Variants in GSTCD observed in about 807,000 individuals in gnomAD.
GSTCD encodes the protein glutathione S-transferase C-terminal domain-containing protein.
GSTCD carries 44 observed loss-of-function variants against 68.3 expected under a neutral mutation model. The ratio of observed to expected loss-of-function variants is 0.64; its 90% CI spans 0.51 to 0.83. The LOEUF (loss-of-function observed/expected upper bound fraction) is 0.83. GSTCD is among the 40% of genes least tolerant of loss of function. The pLI is 0.00. For missense variants in GSTCD, 739 were observed against 735.9 expected, an observed-to-expected ratio of 1.00 and a Z score of -0.05; for synonymous variants, 273 against 255.2, an observed-to-expected ratio of 1.07 and a Z score of -0.67.
At chr4:105,724,395 G>A (rs1449638195) in intron 3 of GSTCD, among the ~76,000 whole-genome samples, 2 of 151,508 alleles carry the variant, frequency 1.3e-5, no homozygotes, top group South Asian at 4.2e-4. Flanking sequence ...CTTACTTTAA[G>A]TGCTGCTTTA....
At chr4:105,788,714 G>A (rs1339029789) in intron 5 of GSTCD, among the ~76,000 whole-genome samples, 1 of 151,986 alleles carries the variant, frequency 6.6e-6, no homozygotes, top group Admixed American at 6.6e-5. Flanking sequence ...TAAAGTAAAT[G>A]CAGGTACCTA....
chr4:105,766,009 A>G (rs1297906870), intron 5 of GSTCD, among the ~76,000 whole-genome samples: 1 of 152,214 alleles, frequency 6.6e-6, no homozygotes, highest in Admixed American at 6.5e-5. Flanking sequence ...ACAGATTAAT[A>G]CAGTCCCTTT....
At chr4:105,751,535 A>G (rs1019649987) in intron 5 of GSTCD, among the ~76,000 whole-genome samples, 4 of 152,168 alleles carry the variant, frequency 2.6e-5, no homozygotes, top group Non-Finnish European at 5.9e-5. Context: ...TGCTATTCCT[A>G]AGCTCACAGA....
rs565055016 is a variant in GSTCD at position 105,715,852 on chromosome 4, T to C, written c.-21-1741T>C. Among the ~76,000 whole-genome samples, 8 of 152,182 alleles carry C rather than the reference T, an allele frequency of 5.3e-5. No homozygotes were observed. In the South Asian group the frequency reaches 1.4e-3, roughly 28 times the overall value. ...GTCATGTTTCTGGTACGTATTTCCA[T>C]GGTGAATACTTTTAAAGAGTGCCAT... On this transcript the variant is annotated intron_variant, in intron 1 of 11. Coordinates refer to ENST00000515279, the MANE Select transcript of GSTCD (RefSeq NM_001370181.1).
intron 5 of GSTCD, among the ~76,000 whole-genome samples, chr4:105,743,002 T>G (rs1259396587): frequency 6.6e-6 from 1 of 150,682 alleles, no homozygotes; most frequent in East Asian, 1.9e-4. Context: ...CAGGCTAGAG[T>G]GCAGTGCCGC....
chr4:105,837,063 T>C (rs1724149919), intron 9 of GSTCD, among the ~76,000 whole-genome samples: 1 of 152,198 alleles, frequency 6.6e-6, no homozygotes, highest in East Asian at 1.9e-4. Context: ...TTATTAGCTG[T>C]GACAACAGTG....
At chr4:105,814,205 T>C (rs370609014) in intron 5 of GSTCD, among the ~76,000 whole-genome samples, 20 of 152,320 alleles carry the variant, frequency 1.3e-4, no homozygotes, top group African/African-American at 4.8e-4. Context: ...CTGACATCCA[T>C]TGTTACTTAG....
chr4:105,741,139 A>G (rs72956930), intron 5 of GSTCD, among the ~76,000 whole-genome samples: 1,607 of 151,596 alleles, frequency 0.011, 31 homozygotes, highest in African/African-American at 0.037. Context: ...TTCCCTTTTC[A>G]TATTCTTTTT....
At chr4:105,727,835 TA>T (rs1469826864) in intron 4 of GSTCD, among the ~76,000 whole-genome samples, 2 of 152,192 alleles carry the variant, frequency 1.3e-5, no homozygotes, top group Non-Finnish European at 2.9e-5. Flanking sequence ...TTGCTTTTAA[TA>T]GGTGATGTGA....
Position 105,719,230 on chromosome 4 carries a change from G to A in GSTCD, c.597G>A (p.Lys199=), listed in dbSNP as rs61736387. 2.3e-3 allele frequency: 3,674 copies of A among 1,614,084 alleles called. 87 individuals carry two copies. In the African/African-American group the frequency reaches 0.044, roughly 19 times the overall value. ...ATGATGATAAACTCCGCAGGCAGAA[G>A]CTCAAGCAACAGAAGGCTGATGGAG... ...VHNDDKLRRQ[K]LKQQKADGVG... Residue 199 remains lysine, a synonymous_variant, in exon 3 of 12, where the codon AAG becomes AAA. Transcript: ENST00000515279.
At position 105,830,835 on chromosome 4, in the gene GSTCD, A is replaced by G. The variant is rs1723862427; in HGVS notation, c.1531-3626A>G. ...CACACTTCCCTCGGCAGTGAACAGTATATACAAAACCATGAGAAAAGATGG... is the reference window on the plus strand; with the variant it reads ...CACACTTCCCTCGGCAGTGAACAGTGTATACAAAACCATGAGAAAAGATGG... On this transcript the variant is annotated intron_variant, in intron 8 of 11. Coordinates refer to ENST00000515279, the MANE Select transcript of GSTCD (RefSeq NM_001370181.1). Among the ~76,000 whole-genome samples, 5 of 152,286 alleles carry G rather than the reference A, an allele frequency of 3.3e-5. No homozygotes were observed. In the South Asian group the frequency reaches 1.0e-3, roughly 32 times the overall value.
At chr4:105,781,887 T>G (rs1256515427) in intron 5 of GSTCD, among the ~76,000 whole-genome samples, 1 of 152,064 alleles carries the variant, frequency 6.6e-6, no homozygotes, top group Non-Finnish European at 1.5e-5. Flanking sequence ...GGTCAGGAAT[T>G]GCCATAGTGC....
At chr4:105,746,615 AG>A (rs1188592715) in intron 5 of GSTCD, among the ~76,000 whole-genome samples, 8 of 146,738 alleles carry the variant, frequency 5.5e-5, no homozygotes, top group Non-Finnish European at 1.1e-4. Context: ...TGATGTTTCT[AG>A]GAAGTATGAA....
At chr4:105,800,479 G>A (rs1736065803) in intron 5 of GSTCD, among the ~76,000 whole-genome samples, 1 of 152,102 alleles carries the variant, frequency 6.6e-6, no homozygotes, top group African/African-American at 2.4e-5. Context: ...GATTTTGGGG[G>A]AGCTTTCTAA....
chr4:105,791,392 C>CAAAAAA (rs56388145), intron 5 of GSTCD, among the ~76,000 whole-genome samples: 1 of 57,338 alleles, frequency 1.7e-5, no homozygotes, highest in African/African-American at 6.2e-5. Context: ...GACTCCGTCT[C>CAAAAAA]AAAAAAAAAA....
intron 4 of GSTCD, among the ~76,000 whole-genome samples, chr4:105,727,395 G>A (rs1472205407): frequency 1.3e-5 from 2 of 151,718 alleles, no homozygotes; most frequent in South Asian, 2.1e-4. Flanking sequence ...GTGGTGGCAC[G>A]TGCCTGTGGT....
rs1010980907 is a variant in GSTCD, at chr4:105,756,558, A to G, written c.1240+27059A>G. 2.2e-4 allele frequency among the ~76,000 whole-genome samples: 24 copies of G among 111,230 alleles called. No homozygotes were observed. The South Asian group carries it at 5.0e-3, about 23-fold the overall frequency. The allele number at this position is 111,230 out of a possible 152,430, so 73.0% of individuals were successfully genotyped here. ...TACATATATACGCATACATATATGT[A>G]TATATATGTGTGTGTGTGTGTGTAT... On this transcript the variant is annotated intron_variant, in intron 5 of 11. Coordinates refer to ENST00000515279, the MANE Select transcript of GSTCD (RefSeq NM_001370181.1).
intron 5 of GSTCD, among the ~76,000 whole-genome samples, chr4:105,768,951 T>G (rs191838006): frequency 6.6e-6 from 1 of 152,036 alleles, no homozygotes; most frequent in East Asian, 1.9e-4. Flanking sequence ...ACAAGTGACA[T>G]AAGCTATTCA....
chr4:105,786,824 A>T (rs1735486321), intron 5 of GSTCD, among the ~76,000 whole-genome samples: 1 of 152,124 alleles, frequency 6.6e-6, no homozygotes, highest in Non-Finnish European at 1.5e-5. Flanking sequence ...TGCTACAAAT[A>T]AAATAGCCAG....
Sources: gnomAD v4.1 joint callset for allele counts (sites outside exome capture counted in the v4.1 genomes callset) on GRCh38, gnomAD v4.1.1 for gene constraint, MANE v1.5 for transcripts, NCBI Gene and HGNC (gene_info 2026-07-23, HGNC 2026-07-21) for gene names.